The following AKAP19 variants were observed in gnomAD, a reference collection of about 807,000 sequenced individuals.
AKAP19 encodes small A-kinase anchoring protein.
chr2:190,199,886 C>T, the AKAP19 span: 1 of 1,613,846 alleles, frequency 6.2e-7, no homozygotes, highest in South Asian at 1.1e-5. Context: ...TCAAAGCAAA[C>T]TTTCCCATTT....
chr2:189,915,534 ATGTT>A, the AKAP19 span, among the ~76,000 whole-genome samples: 1 of 152,076 alleles, frequency 6.6e-6, no homozygotes, highest in African/African-American at 2.4e-5. Context: ...CTAGCAAATG[ATGTT>A]TGTGTCAATT....
the AKAP19 span, among the ~76,000 whole-genome samples, chr2:190,003,075 A>T: frequency 6.6e-6 from 1 of 152,046 alleles, no homozygotes; most frequent in Admixed American, 6.5e-5. Context: ...GATAGTGTTT[A>T]TTAGAATTAA....
the AKAP19 span, among the ~76,000 whole-genome samples, chr2:190,101,180 G>A: frequency 6.6e-6 from 1 of 152,234 alleles, no homozygotes; most frequent in Non-Finnish European, 1.5e-5. Context: ...TCAGGCCAGA[G>A]ACTGAAGTGC....
At chr2:190,185,516 T>C in the AKAP19 span, among the ~76,000 whole-genome samples, 3 of 152,204 alleles carry the variant, frequency 2.0e-5, no homozygotes, top group African/African-American at 7.2e-5. Context: ...AGGATTTATA[T>C]TATGGTGCTG....
At chr2:189,940,422 G>A in the AKAP19 span, among the ~76,000 whole-genome samples, 1 of 149,414 alleles carries the variant, frequency 6.7e-6, no homozygotes, top group Non-Finnish European at 1.5e-5. Flanking sequence ...CTCCAGCCTG[G>A]GCAACGGGGG....
chr2:189,981,948 A>G, the AKAP19 span, among the ~76,000 whole-genome samples: 1 of 152,080 alleles, frequency 6.6e-6, no homozygotes, highest in African/African-American at 2.4e-5. Context: ...CTTCTTTCAC[A>G]TTGACCTTGG....
At chr2:189,910,660 T>C in the AKAP19 span, among the ~76,000 whole-genome samples, 1 of 152,060 alleles carries the variant, frequency 6.6e-6, no homozygotes, top group Non-Finnish European at 1.5e-5. Context: ...CCATATTTTT[T>C]TGCTGATAAT....
the AKAP19 span, chr2:189,923,682 A>T: frequency 6.2e-7 from 1 of 1,613,916 alleles, no homozygotes; most frequent in African/African-American, 1.3e-5. Flanking sequence ...TGTGACTTTC[A>T]ACGGGACTAT....
At chr2:190,114,887 G>A in the AKAP19 span, among the ~76,000 whole-genome samples, 7 of 151,734 alleles carry the variant, frequency 4.6e-5, no homozygotes, top group Non-Finnish European at 1.0e-4. Context: ...TTTTGAAATT[G>A]TTACCTTCTT....
At chr2:190,125,234 G>A in the AKAP19 span, among the ~76,000 whole-genome samples, 3 of 152,192 alleles carry the variant, frequency 2.0e-5, no homozygotes, top group Non-Finnish European at 4.4e-5. Context: ...CAGCATGGCT[G>A]TAATGATATC....
chr2:190,197,721 GA>G, the AKAP19 span, among the ~76,000 whole-genome samples: 122 of 152,284 alleles, frequency 8.0e-4, no homozygotes, highest in African/African-American at 2.9e-3. This position sits in a 1 kb window ranked among gnomAD's most constrained non-coding sequence, Gnocchi z 4.0. Flanking sequence ...CTCTATGCCT[GA>G]AAATAATGGC....
At chr2:189,889,538 G>T in the AKAP19 span, among the ~76,000 whole-genome samples, 1 of 152,118 alleles carries the variant, frequency 6.6e-6, no homozygotes, top group African/African-American at 2.4e-5. Flanking sequence ...GTAGAATTCG[G>T]CTGTGAATCT....
At chr2:189,897,398 GT>G in the AKAP19 span, among the ~76,000 whole-genome samples, 1 of 152,038 alleles carries the variant, frequency 6.6e-6, no homozygotes, top group Non-Finnish European at 1.5e-5. Context: ...GTAAATTACA[GT>G]TAACTTTCTA....
At chr2:190,047,149 G>C in the AKAP19 span, among the ~76,000 whole-genome samples, 1 of 151,964 alleles carries the variant, frequency 6.6e-6, no homozygotes, top group African/African-American at 2.4e-5. Context: ...ACCCCTAAAG[G>C]CTCATTCCTT....
At chr2:190,117,766 T>C in the AKAP19 span, among the ~76,000 whole-genome samples, 1 of 152,250 alleles carries the variant, frequency 6.6e-6, no homozygotes, top group African/African-American at 2.4e-5. Flanking sequence ...AAGCCAGATA[T>C]ATGAGGAGAG....
At chr2:189,889,734 A>G in the AKAP19 span, among the ~76,000 whole-genome samples, 1 of 152,062 alleles carries the variant, frequency 6.6e-6, no homozygotes, top group African/African-American at 2.4e-5. Context: ...TTATAGTATT[A>G]TCTGATGGTA....
At chr2:190,067,130 A>G in the AKAP19 span, among the ~76,000 whole-genome samples, 13 of 152,290 alleles carry the variant, frequency 8.5e-5, 1 homozygote, top group East Asian at 1.7e-3. Flanking sequence ...ACACATATAT[A>G]TTAAAACAAA....
the AKAP19 span, among the ~76,000 whole-genome samples, chr2:189,988,277 A>G: frequency 6.6e-6 from 1 of 152,210 alleles, no homozygotes; most frequent in Non-Finnish European, 1.5e-5. Context: ...ATGTCCAAAG[A>G]ACCCCGTAAA....
the AKAP19 span, among the ~76,000 whole-genome samples, chr2:189,934,518 G>T: frequency 6.6e-6 from 1 of 151,804 alleles, no homozygotes. Context: ...TAAAAATCAA[G>T]ACTTACTACA....
Sources: allele counts gnomAD v4.1 joint callset (sites outside exome capture counted in the v4.1 genomes callset), GRCh38; gene constraint gnomAD v4.1.1; non-coding constraint Gnocchi (gnomAD v3.1); transcripts MANE v1.5; gene names NCBI Gene and HGNC (gene_info 2026-07-23, HGNC 2026-07-21).